Variants in SLC9C1 observed in about 807,000 individuals in gnomAD.
SLC9C1 encodes sodium/hydrogen exchanger 10.
Under a neutral mutation model 140.9 loss-of-function variants are expected in SLC9C1, and 97 were observed. The observed-to-expected ratio is 0.69, with a 90% CI of 0.58 to 0.82. The LOEUF is 0.82. SLC9C1 is among the 40% of genes least tolerant of loss of function. The pLI, the probability that SLC9C1 is intolerant of heterozygous loss-of-function variation, is 0.00. For synonymous variants in SLC9C1, 440 were observed against 442.6 expected (o/e 0.99, Z 0.07); for missense variants, 1,340 against 1,389.3 (o/e 0.96, Z 0.56).
Position 112,189,505 on chromosome 3 carries a change from G to A in SLC9C1, c.2524-7247C>T, listed in dbSNP as rs1422745613. Among the ~76,000 whole-genome samples the A allele has an allele frequency of 3.9e-5, 6 of 152,148 alleles. No homozygotes were observed. In the South Asian group the frequency reaches 1.2e-3, roughly 32 times the overall value. ...ATAGGGAATCCTTTCCCCATTGCTTGTTTTTCTCAGGTTTGTCAAAGATCA... is the reference window on the plus strand; with the variant it reads ...ATAGGGAATCCTTTCCCCATTGCTTATTTTTCTCAGGTTTGTCAAAGATCA... On this transcript the variant is annotated intron_variant, in intron 20 of 28. Coordinates refer to ENST00000305815, the MANE Select transcript of SLC9C1 (RefSeq NM_183061.3).
chr3:112,253,709 T>A (rs1370757898), intron 10 of SLC9C1, among the ~76,000 whole-genome samples: 1 of 152,136 alleles, frequency 6.6e-6, no homozygotes, highest in East Asian at 1.9e-4. Context: ...TCAACTCAAA[T>A]GGCCAGAGTG....
At chr3:112,150,797 TATATATATATATAAATACATATAC>T (rs1452238779) in intron 28 of SLC9C1, among the ~76,000 whole-genome samples, 892 of 27,512 alleles carry the variant, frequency 0.032, 8 homozygotes, top group East Asian at 0.052. Flanking sequence ...CATATACATA[TATATATATATATAAATACATATAC>T]ATATATATAT....
In SLC9C1 at chr3:112,258,113, C is replaced by T. The variant is rs1312496395; in HGVS notation, c.1197+4811G>A. ...TAGTGGGAGTGTAAGGTAGTTCAATCATTGTGGAAAGCAGTGTGGCAATTC... is the reference window on the plus strand; with the variant it reads ...TAGTGGGAGTGTAAGGTAGTTCAATTATTGTGGAAAGCAGTGTGGCAATTC... On this transcript the variant is annotated intron_variant, in intron 10 of 28. Coordinates refer to ENST00000305815, the MANE Select transcript of SLC9C1 (RefSeq NM_183061.3). 2.0e-5 allele frequency among the ~76,000 whole-genome samples: 3 copies of T among 152,150 alleles called. No individual in the cohort carries two copies. The East Asian group carries it at 5.8e-4, about 29-fold the overall frequency.
chr3:112,199,538 G>T, intron 19 of SLC9C1, 69 bp from the exon 20 acceptor site: 2 of 1,305,344 alleles, frequency 1.5e-6, no homozygotes, highest in Non-Finnish European at 2.0e-6. Context: ...TGGACAATAA[G>T]CTAAGTTTCT....
At chr3:112,204,989 C>CA (rs918138458) in intron 16 of SLC9C1, among the ~76,000 whole-genome samples, 2 of 151,964 alleles carry the variant, frequency 1.3e-5, no homozygotes, top group African/African-American at 4.8e-5. Context: ...TTTAATTTCT[C>CA]AAAAAAATTC....
At chr3:112,246,275 T>G (rs1844995) in intron 10 of SLC9C1, among the ~76,000 whole-genome samples, 44,772 of 151,934 alleles carry the variant, frequency 0.29, 6,761 homozygotes, top group East Asian at 0.36. Flanking sequence ...GTAATTAAGC[T>G]TTTGTAGAGT....
At chr3:112,220,855 G>T (rs984398675) in intron 14 of SLC9C1, among the ~76,000 whole-genome samples, 2 of 67,780 alleles carry the variant, frequency 3.0e-5, no homozygotes, top group Non-Finnish European at 6.4e-5. Flanking sequence ...CTTTTGGCAG[G>T]GGGGGACAAA....
intron 10 of SLC9C1, among the ~76,000 whole-genome samples, chr3:112,258,225 TA>T (rs1377203496): frequency 6.6e-6 from 1 of 152,148 alleles, no homozygotes; most frequent in Non-Finnish European, 1.5e-5. Context: ...TGTTCTACCA[TA>T]AAGACACATG....
intron 3 of SLC9C1, 39 bp from the exon 4 acceptor site, chr3:112,278,896 T>C: frequency 1.9e-6 from 3 of 1,581,336 alleles, no homozygotes; most frequent in East Asian, 2.3e-5. Flanking sequence ...CATTTATTCA[T>C]CACTATTAGA....
intron 28 of SLC9C1, among the ~76,000 whole-genome samples, chr3:112,142,623 AT>A (rs1364081420): frequency 1.3e-5 from 2 of 152,216 alleles, no homozygotes; most frequent in Non-Finnish European, 2.9e-5. Flanking sequence ...AGATCAATGC[AT>A]TAAACATTAC....
chr3:112,161,486 T>A (rs1373721666), intron 26 of SLC9C1, among the ~76,000 whole-genome samples: 1 of 152,254 alleles, frequency 6.6e-6, no homozygotes, highest in African/African-American at 2.4e-5. Flanking sequence ...GCTTTCTACA[T>A]ATGGCTAGCC....
chr3:112,174,667 A>G (rs912321156), intron 23 of SLC9C1, among the ~76,000 whole-genome samples: 1 of 152,134 alleles, frequency 6.6e-6, no homozygotes, highest in African/African-American at 2.4e-5. Context: ...GGTGGCTGCC[A>G]TGTGCTGGAG....
At chr3:112,259,734 C>T (rs2108284682) in intron 10 of SLC9C1, among the ~76,000 whole-genome samples, 1 of 152,158 alleles carries the variant, frequency 6.6e-6, no homozygotes, top group Non-Finnish European at 1.5e-5. Flanking sequence ...TGCAATTTAC[C>T]CATACAACAA....
chr3:112,271,407 A>ATATATATATATATATATATATC (rs1473186453), intron 6 of SLC9C1, among the ~76,000 whole-genome samples: 1 of 149,444 alleles, frequency 6.7e-6, no homozygotes, highest in Non-Finnish European at 1.5e-5. Flanking sequence ...ATATATATAT[A>ATATATATATATATATATATATC]TATCAAAGCC....
intron 20 of SLC9C1, chr3:112,186,053 A>T: frequency 8.2e-7 from 1 of 1,221,930 alleles, no homozygotes; most frequent in Non-Finnish European, 1.1e-6. Flanking sequence ...TCCGCTGCAC[A>T]GTGCACTTTC....
At chr3:112,151,300 C>T (rs2074971065) in intron 28 of SLC9C1, 1 of 517,864 alleles carries the variant, frequency 1.9e-6, no homozygotes. Context: ...CTGTCCTCCT[C>T]ATTGTTCCCC....
chr3:112,164,854 T>C lies in SLC9C1; in HGVS notation c.3364+2367A>G, dbSNP rs969779292. ...ATTGGGGAAGTTCTCCTGGATAATA[T>C]CCTGCAGAGTGTTTTCCAGCTTGGT... On this transcript the variant is annotated intron_variant, in intron 26 of 28. Coordinates refer to ENST00000305815, the MANE Select transcript of SLC9C1 (RefSeq NM_183061.3). Among the ~76,000 whole-genome samples, 36 of 152,196 alleles carry C rather than the reference T, an allele frequency of 2.4e-4. 2 individuals are homozygous for C. The highest frequency in any genetic ancestry group is 4.4e-5 in the Non-Finnish European group (3 of 68,030).
intron 15 of SLC9C1, among the ~76,000 whole-genome samples, chr3:112,209,262 C>T (rs73853359): frequency 0.053 from 8,078 of 152,136 alleles, 262 homozygotes; most frequent in South Asian, 0.089. Context: ...AGTCTGTGCT[C>T]ACATTGCCAG....
At chr3:112,264,921 A>G (rs1201195176) in intron 8 of SLC9C1, among the ~76,000 whole-genome samples, 1 of 151,976 alleles carries the variant, frequency 6.6e-6, no homozygotes, top group East Asian at 1.9e-4. Context: ...GAATTGAAAG[A>G]TGAGGGAGTA....
Sources: allele counts gnomAD v4.1 joint callset (sites outside exome capture counted in the v4.1 genomes callset), GRCh38; gene constraint gnomAD v4.1.1; transcripts MANE v1.5; gene names NCBI Gene and HGNC (gene_info 2026-07-23, HGNC 2026-07-21).